Variants in RIOK3 observed in about 807,000 individuals in gnomAD.
RIOK3 encodes RIO kinase 3, also known as serine/threonine-protein kinase RIO3.
In RIOK3, 40 loss-of-function variants were observed where a neutral mutation model predicts 63.5. The observed-to-expected ratio is 0.63, with a 90% CI of 0.49 to 0.82. RIOK3 has a LOEUF of 0.82. Ranked by LOEUF, RIOK3 falls within the 40% of genes least tolerant of loss-of-function variation. The pLI is 0.00. For missense variants in RIOK3, 557 were observed against 637.0 expected (o/e 0.87, Z 1.35); for synonymous variants, 193 against 205.0 (o/e 0.94, Z 0.50).
At chr18:23,477,339 A>T in intron 11 of RIOK3, 71 bp downstream of exon 11, 12 of 1,156,914 alleles carry the variant, frequency 1.0e-5, no homozygotes, top group Non-Finnish European at 1.6e-5. Flanking sequence ...CACTCCTAAG[A>T]TAAGTAAGAG....
intron 1 of RIOK3, among the ~76,000 whole-genome samples, chr18:23,456,836 A>C (rs1406795784): frequency 2.6e-5 from 4 of 152,208 alleles, no homozygotes; most frequent in African/African-American, 9.7e-5. Context: ...GAAGTATTTG[A>C]AGAAAATCCA....
Position 23,477,048 on chromosome 18 carries a change from G to C in RIOK3, c.1216G>C (p.Asp406His), listed in dbSNP as rs778533483. Residue 406 changes from aspartate to histidine, a missense_variant, in exon 10 of 13, where the codon GAC (aspartate) becomes CAC (histidine). By Grantham distance (81) the Asp-to-His change is moderately conservative. Coordinates refer to ENST00000339486, the MANE Select transcript of RIOK3 (RefSeq NM_003831.5). ...LYHECTLVHA[D>H]LSEYNMLWHA... Reference sequence around the variant, plus strand: ...TCATGAATGTACGCTTGTCCATGCTGACCTCAGTGAGTATAACATGCTGTG... The same window carrying C: ...TCATGAATGTACGCTTGTCCATGCTCACCTCAGTGAGTATAACATGCTGTG... 1.2e-6 allele frequency: 2 copies of C among 1,614,006 alleles called. No homozygotes were observed. The highest frequency in any genetic ancestry group is 3.3e-5 in the Admixed American group (2 of 60,010).
chr18:23,481,863 T>A lies in RIOK3; in HGVS notation c.*584T>A, dbSNP rs992578995. The A allele has an allele frequency of 6.6e-6, 1 of 152,226 alleles. No homozygotes were observed. Among genetic ancestry groups the A allele is most frequent in the African/African-American group, 2.4e-5 (1 of 41,454 alleles). 9.4% of individuals were successfully genotyped at this position (152,226 alleles called of 1,614,324 possible). On this transcript the variant is annotated 3_prime_UTR_variant, in exon 13 of 13. Transcript: ENST00000339486. ...AAGTCATGTAATTTTTGTTGATATATCATGAAAATGAACAGAATTCTTTTT... is the reference window on the plus strand; with the variant it reads ...AAGTCATGTAATTTTTGTTGATATAACATGAAAATGAACAGAATTCTTTTT...
intron 1 of RIOK3, among the ~76,000 whole-genome samples, chr18:23,454,708 A>G (rs943651364): frequency 3.3e-5 from 5 of 152,110 alleles, no homozygotes; most frequent in African/African-American, 1.2e-4. Flanking sequence ...GTAATAAACT[A>G]TTTAACAGTC....
intron 1 of RIOK3, among the ~76,000 whole-genome samples, chr18:23,461,320 C>T (rs2057370973): frequency 6.6e-6 from 1 of 152,196 alleles, no homozygotes; most frequent in Non-Finnish European, 1.5e-5. Flanking sequence ...GAGTTTTGGA[C>T]TTTATCCTAA....
At chr18:23,472,843 C>T (rs1277080823) in intron 7 of RIOK3, among the ~76,000 whole-genome samples, 6 of 152,160 alleles carry the variant, frequency 3.9e-5, no homozygotes, top group Non-Finnish European at 8.8e-5. Flanking sequence ...GGTTTCCTGC[C>T]TCTGCTTTTG....
At chr18:23,464,383 CTT>C (rs1386310652) in intron 4 of RIOK3, 70 bp downstream of exon 4, 12 of 1,241,676 alleles carry the variant, frequency 9.7e-6, no homozygotes, top group Middle Eastern at 1.9e-4. Context: ...TCAATGAACT[CTT>C]TTAGTTTTAT....
At chr18:23,474,407 C>A (rs1030971464) in intron 8 of RIOK3, among the ~76,000 whole-genome samples, 1 of 152,046 alleles carries the variant, frequency 6.6e-6, no homozygotes, top group South Asian at 2.1e-4. Flanking sequence ...TTAATTAATT[C>A]CAGGTAGAAT....
At chr18:23,457,632 T>G (rs1444104773) in intron 1 of RIOK3, among the ~76,000 whole-genome samples, 1 of 152,230 alleles carries the variant, frequency 6.6e-6, no homozygotes, top group Non-Finnish European at 1.5e-5. Flanking sequence ...TTGGCAGTTT[T>G]TTTCTAGTTT....
chr18:23,473,584 T>A lies in RIOK3; in HGVS notation c.971T>A (p.Ile324Asn). Residue 324 changes from isoleucine (I) to asparagine (N), a missense_variant, in exon 8 of 13, where the codon ATC becomes AAC. Ile to Asn is a moderately radical substitution (Grantham distance 149). Transcript: ENST00000339486. ...TTCAGTAAACTAAATCCACGTAAGATCATCCGCATGTGGGCAGAAAAAGAA... is the reference window on the plus strand; with the variant it reads ...TTCAGTAAACTAAATCCACGTAAGAACATCCGCATGTGGGCAGAAAAAGAA... The part of the protein sequence containing the change: ...DRFSKLNPRK[I>N]IRMWAEKEMH... The A allele has an allele frequency of 6.2e-7, 1 of 1,613,740 alleles. No individual in the cohort carries two copies. The highest frequency in any genetic ancestry group is 8.5e-7 in the Non-Finnish European group (1 of 1,179,790).
rs1598806798 is a variant in RIOK3 at position 23,464,556 on chromosome 18, A to G, written c.471A>G (p.Gly157=). 6.2e-7 allele frequency: 1 copy of G among 1,607,292 alleles called. No homozygotes were observed. The highest frequency in any genetic ancestry group is 8.5e-7 in the Non-Finnish European group (1 of 1,178,238). The change falls in exon 5 of 13, where the codon GGA becomes GGG. Residue 157 remains glycine (G), a synonymous_variant. Transcript: ENST00000339486. The stretch of plus-strand genomic sequence containing the variant: ...CCACTCCTAAAAAGGGCTTTATTGG[A>G]AAAGGAAAAGATATCACCACCAAAC... ...PVPTPKKGFI[G]KGKDITTKHD...
intron 1 of RIOK3, 74 bp from the exon 2 acceptor site, chr18:23,462,890 A>G (rs1482719559): frequency 1.2e-5 from 8 of 648,818 alleles, no homozygotes. Context: ...CTCAAAATAT[A>G]ACATTATTTG....
intron 12 of RIOK3, 49 bp from the exon 13 acceptor site, chr18:23,481,123 T>C (rs1433400390): frequency 6.0e-6 from 8 of 1,338,302 alleles, no homozygotes; most frequent in African/African-American, 2.9e-5. Flanking sequence ...ATATGGTTTC[T>C]GTGAAAAGTA....
chr18:23,471,094 C>T (rs909505459), intron 7 of RIOK3, among the ~76,000 whole-genome samples: 3 of 152,208 alleles, frequency 2.0e-5, no homozygotes, highest in Non-Finnish European at 4.4e-5. Context: ...GGTCTCTGGT[C>T]TAATGGAATA....
chr18:23,472,692 G>A (rs922573090), intron 7 of RIOK3, among the ~76,000 whole-genome samples: 6 of 152,116 alleles, frequency 3.9e-5, no homozygotes, highest in African/African-American at 9.7e-5. Context: ...AAACCCTCGC[G>A]ATTCCCCACC....
intron 7 of RIOK3, among the ~76,000 whole-genome samples, chr18:23,469,838 C>T (rs1029116889): frequency 6.6e-6 from 1 of 152,018 alleles, no homozygotes; most frequent in Non-Finnish European, 1.5e-5. Context: ...AACAATTATT[C>T]AAACAGTAAT....
At chr18:23,466,700 A>AG (rs1367619163) in intron 6 of RIOK3, among the ~76,000 whole-genome samples, 4 of 151,150 alleles carry the variant, frequency 2.6e-5, no homozygotes, top group African/African-American at 9.7e-5. Context: ...AAAAAAAAAA[A>AG]AAAAAAAAAA....
rs769672486 is a variant in RIOK3 at position 23,479,343 on chromosome 18, A to C, written c.1371A>C (p.Glu457Asp). 43 of 1,612,886 alleles carry C rather than the reference A, an allele frequency of 2.7e-5. No individual in the cohort carries two copies. Among genetic ancestry groups the C allele is most frequent in the Non-Finnish European group, 3.6e-5 (42 of 1,179,008 alleles). The part of the protein sequence containing the change: ...SQFFQKGGVK[E>D]ALSERELFNA... ...TTTTCCAGAAAGGAGGAGTCAAGGA[A>C]GCCCTTAGTGAACGAGAACTCTTCA... The change falls in exon 12 of 13, where the codon GAA becomes GAC. Residue 457 changes from glutamate to aspartate, a missense_variant. By Grantham distance (45) the Glu-to-Asp change is conservative. Around this residue, in one of 3 missense-constraint regions of RIOK3, gnomAD observed 309 missense variants for 338.7 expected, o/e 0.91. Transcript: ENST00000339486.
At chr18:23,471,788 G>A (rs2057457990) in intron 7 of RIOK3, among the ~76,000 whole-genome samples, 1 of 152,124 alleles carries the variant, frequency 6.6e-6, no homozygotes, top group Non-Finnish European at 1.5e-5. Context: ...GACGAGGTGA[G>A]AGCCTGGGGA....
Sources: allele counts gnomAD v4.1 joint callset (sites outside exome capture counted in the v4.1 genomes callset), GRCh38; gene constraint gnomAD v4.1.1; regional missense constraint gnomAD v4.1.1; transcripts MANE v1.5; gene names NCBI Gene and HGNC (gene_info 2026-07-23, HGNC 2026-07-21).